PXK: variants seen among roughly 807,000 people sequenced by gnomAD.
The protein encoded by PXK is PX domain containing serine/threonine kinase like, also known as PX domain-containing protein kinase-like protein.
In PXK, 35 loss-of-function variants were observed where a neutral mutation model predicts 84.7. The observed-to-expected ratio is 0.41, with a 90% confidence interval of 0.32 to 0.55. PXK has a LOEUF of 0.55. Ranked by LOEUF, PXK falls within the 20% of genes least tolerant of loss-of-function variation. PXK has a pLI of 0.21. For missense variants in PXK, 634 were observed against 699.7 expected, an observed-to-expected ratio of 0.91 and a Z score of 1.06; for synonymous variants, 253 against 260.8, an observed-to-expected ratio of 0.97 and a Z score of 0.29.
In PXK at chr3:58,390,806, T is replaced by C; in HGVS notation, c.466+147T>C. 1 of 723,878 alleles carries C rather than the reference T, an allele frequency of 1.4e-6. No homozygotes were observed. The allele number at this position is 723,878 out of a possible 1,614,324, so 44.8% of individuals were successfully genotyped here. On this transcript the variant is annotated intron_variant, in intron 5 of 17. Coordinates refer to ENST00000356151, the MANE Select transcript of PXK (RefSeq NM_017771.5). This position sits in a 1 kb window ranked among gnomAD's most constrained non-coding sequence, Gnocchi z 4.2. ...CATATCAACTGCTTGAGGATACAGC[T>C]GGTAACTTTTAATACTTAATGAACC...
At chr3:58,334,032 A>G (rs1195902515) in intron 1 of PXK, among the ~76,000 whole-genome samples, 3 of 152,166 alleles carry the variant, frequency 2.0e-5, no homozygotes, top group Non-Finnish European at 4.4e-5. Flanking sequence ...TTGTCAGTCC[A>G]CCGAATCAGA....
intron 4 of PXK, among the ~76,000 whole-genome samples, chr3:58,386,742 G>A (rs918274753): frequency 1.2e-4 from 19 of 152,104 alleles, no homozygotes; most frequent in African/African-American, 4.6e-4. Flanking sequence ...AAATCAAGAG[G>A]CCTGTATCAT....
chr3:58,424,998 T>C lies in PXK; in HGVS notation c.*38T>C. ...ACACTTGGAGGGAAAAGTTCTTTTT[T>C]ATTCCTACTCACCCCTACCCCCCAA... On this transcript the variant is annotated 3_prime_UTR_variant, in exon 18 of 18. Coordinates refer to ENST00000356151, the MANE Select transcript of PXK (RefSeq NM_017771.5). 1.2e-6 allele frequency: 2 copies of C among 1,609,736 alleles called. No homozygotes were observed. Among genetic ancestry groups the C allele is most frequent in the South Asian group, 1.1e-5 (1 of 90,254 alleles).
rs2098545392 is a variant in PXK, at chr3:58,385,715, T to C, written c.388+3015T>C. 6.6e-6 allele frequency among the ~76,000 whole-genome samples: 1 copy of C among 152,188 alleles called. No individual in the cohort carries two copies. Among genetic ancestry groups the C allele is most frequent in the African/African-American group, 2.4e-5 (1 of 41,440 alleles). ...GGTTTCACTATGTTGACTAGGCTGG[T>C]CTCAAACTCTTGAGCTCAAATGATC... On this transcript the variant is annotated intron_variant, in intron 4 of 17. Coordinates refer to ENST00000356151, the MANE Select transcript of PXK (RefSeq NM_017771.5). This position sits in a 1 kb window ranked among gnomAD's most constrained non-coding sequence, Gnocchi z 5.1.
rs746641390 is a variant in PXK, at chr3:58,385,100, C to G, written c.388+2400C>G. The stretch of plus-strand genomic sequence containing the variant: ...CTTTTTTCTGTACCTGCCCCACATG[C>G]TGTTGTTGTCTTTGATCTCTACTCC... On this transcript the variant is annotated intron_variant, in intron 4 of 17. Coordinates refer to ENST00000356151, the MANE Select transcript of PXK (RefSeq NM_017771.5). The surrounding 1 kb of genome is among the most constrained non-coding windows in gnomAD (Gnocchi z 5.1). Among the ~76,000 whole-genome samples, 10 of 152,150 alleles carry G rather than the reference C, an allele frequency of 6.6e-5. No individual in the cohort carries two copies. Among genetic ancestry groups the G allele is most frequent in the Non-Finnish European group, 1.3e-4 (9 of 68,024 alleles).
At chr3:58,373,220 A>T (rs1043785083) in intron 3 of PXK, among the ~76,000 whole-genome samples, 43 of 151,916 alleles carry the variant, frequency 2.8e-4, no homozygotes, top group African/African-American at 1.0e-3. Context: ...TAAGACTACA[A>T]GGCGCCCGCC....
Position 58,409,378 on chromosome 3 carries a change from G to T in PXK, c.1309-154G>T, listed in dbSNP as rs2059851828. Among the ~76,000 whole-genome samples the T allele has an allele frequency of 6.6e-6, 1 of 152,170 alleles. No homozygotes were observed. The highest frequency in any genetic ancestry group is 2.1e-4 in the South Asian group (1 of 4,834). ...CTTCCTTTGGCATACTCCTCTACCT[G>T]GCATCCAGACCCGAGCCAGGAAGTA... On this transcript the variant is annotated intron_variant, in intron 14 of 17. Coordinates refer to ENST00000356151, the MANE Select transcript of PXK (RefSeq NM_017771.5). This position sits in a 1 kb window ranked among gnomAD's most constrained non-coding sequence, Gnocchi z 4.2.
chr3:58,406,038 C>A (rs772669078), intron 13 of PXK, among the ~76,000 whole-genome samples: 1 of 151,658 alleles, frequency 6.6e-6, no homozygotes, highest in Non-Finnish European at 1.5e-5. Flanking sequence ...GGCATGATCT[C>A]GGCTCACTGC....
At chr3:58,424,127 A>G (rs13063504) in intron 17 of PXK, among the ~76,000 whole-genome samples, 11,071 of 152,252 alleles carry the variant, frequency 0.073, 519 homozygotes, top group South Asian at 0.1. Context: ...TTAGCATTTT[A>G]TATTTCTTTA....
rs111264652 is a variant in PXK at position 58,365,933 on chromosome 3, CTT to C, written c.153+23_153+24del. 4,000 of 1,376,758 alleles carry C rather than the reference CTT, an allele frequency of 2.9e-3. No individual in the cohort carries two copies. Among genetic ancestry groups the C allele is most frequent in the South Asian group, 7.0e-3 (482 of 68,526 alleles). The allele number at this position is 1,376,758 out of a possible 1,614,324, so 85.3% of individuals were successfully genotyped here. On this transcript the variant is annotated intron_variant, in intron 2 of 17. Coordinates refer to ENST00000356151, the MANE Select transcript of PXK (RefSeq NM_017771.5). Reference sequence around the variant, plus strand: ...TGGAAAACAGCTGGCAGGTAAGCATCTTTTTTTTTTTTTTTGTCAATTAGAAA... The same window carrying C: ...TGGAAAACAGCTGGCAGGTAAGCATCTTTTTTTTTTTTTGTCAATTAGAAA...
In PXK at chr3:58,412,892, T is replaced by G; in HGVS notation, c.1466-9T>G. The G allele has an allele frequency of 6.2e-7, 1 of 1,614,148 alleles. No individual in the cohort carries two copies. The highest frequency in any genetic ancestry group is 1.3e-5 in the African/African-American group (1 of 75,050). On this transcript the variant is annotated splice_polypyrimidine_tract_variant and intron_variant, in intron 16 of 17. Transcript: ENST00000356151. The surrounding 1 kb of genome is among the most constrained non-coding windows in gnomAD (Gnocchi z 6.2). Reference sequence around the variant, plus strand: ...GTCCCCATGAGGGTTTCTCTGTGTTTTATCTTAGCAGGATCTGGGGCCAGC... The same window carrying G: ...GTCCCCATGAGGGTTTCTCTGTGTTGTATCTTAGCAGGATCTGGGGCCAGC...
intron 17 of PXK, chr3:58,413,693 T>C (rs541663740): frequency 2.0e-5 from 3 of 152,360 alleles, no homozygotes; most frequent in African/African-American, 7.2e-5. Flanking sequence ...GTATCTCCTT[T>C]TGCTTCTTAA....
At position 58,400,472 on chromosome 3, in the gene PXK, G is replaced by A. The variant is rs2058383865; in HGVS notation, c.1181+1095G>A. Among the ~76,000 whole-genome samples, 1 of 152,204 alleles carries A rather than the reference G, an allele frequency of 6.6e-6. No individual in the cohort carries two copies. Among genetic ancestry groups the A allele is most frequent in the South Asian group, 2.1e-4 (1 of 4,830 alleles). On this transcript the variant is annotated intron_variant, in intron 12 of 17. Transcript: ENST00000356151. The surrounding 1 kb of genome is among the most constrained non-coding windows in gnomAD (Gnocchi z 4.0). ...TTCCTGGTTCTTTCTTTCCACAAGT[G>A]TTTAGAGAGGGCCTTCTGGAGGCCA...
intron 3 of PXK, among the ~76,000 whole-genome samples, chr3:58,380,047 G>A (rs1456724969): frequency 1.3e-5 from 2 of 151,924 alleles, no homozygotes; most frequent in African/African-American, 2.4e-5. Context: ...GTCCAACATT[G>A]AAAAAATAGG....
rs2060666306 is a variant in PXK, at chr3:58,414,424, C to T, written c.1528+1461C>T. 1 of 152,154 alleles carries T rather than the reference C, an allele frequency of 6.6e-6. No homozygotes were observed. Among genetic ancestry groups the T allele is most frequent in the African/African-American group, 2.4e-5 (1 of 41,420 alleles). 9.4% of individuals were successfully genotyped at this position (152,154 alleles called of 1,614,324 possible). A position where few individuals can be genotyped will look rare whatever the true frequency, so the allele number is the denominator to read the frequency against. ...TTTGGGAATTTACAATTTATTTGGACTTTTGGGGGGAATTCTCTAATTTAT... is the reference window on the plus strand; with the variant it reads ...TTTGGGAATTTACAATTTATTTGGATTTTTGGGGGGAATTCTCTAATTTAT... On this transcript the variant is annotated intron_variant, in intron 17 of 17. Coordinates refer to ENST00000356151, the MANE Select transcript of PXK (RefSeq NM_017771.5). This position sits in a 1 kb window ranked among gnomAD's most constrained non-coding sequence, Gnocchi z 4.5.
intron 2 of PXK, among the ~76,000 whole-genome samples, chr3:58,368,269 G>A (rs141099527): frequency 6.6e-6 from 1 of 152,186 alleles, no homozygotes; most frequent in African/African-American, 2.4e-5. Context: ...CTTTGTGAGA[G>A]GTAGAGGGGC....
chr3:58,406,083 C>T (rs2059363720), intron 13 of PXK, among the ~76,000 whole-genome samples: 1 of 152,016 alleles, frequency 6.6e-6, no homozygotes, highest in Non-Finnish European at 1.5e-5. Flanking sequence ...AATTCTGCTT[C>T]AGCCTCCTGA....
At chr3:58,404,106 A>G (rs2059026776) in intron 13 of PXK, among the ~76,000 whole-genome samples, 196 bp downstream of exon 13, 1 of 152,236 alleles carries the variant, frequency 6.6e-6, no homozygotes, top group Admixed American at 6.5e-5. Context: ...TGAAATTGAT[A>G]AAGACATTGT....
Position 58,409,473 on chromosome 3 carries a change from G to C in PXK, c.1309-59G>C. 1 of 1,480,530 alleles carries C rather than the reference G, an allele frequency of 6.8e-7. No homozygotes were observed. Among genetic ancestry groups the C allele is most frequent in the Non-Finnish European group, 9.3e-7 (1 of 1,073,500 alleles). The allele number at this position is 1,480,530 out of a possible 1,614,324, so 91.7% of individuals were successfully genotyped here. ...TGGTTTGCCAAAACATGTTGGAGAA[G>C]ATTTTCATTAGGAAGCTGCCTTATG... On this transcript the variant is annotated intron_variant, in intron 14 of 17. Coordinates refer to ENST00000356151, the MANE Select transcript of PXK (RefSeq NM_017771.5). This position sits in a 1 kb window ranked among gnomAD's most constrained non-coding sequence, Gnocchi z 4.2.
Sources: gnomAD v4.1 joint callset for allele counts (sites outside exome capture counted in the v4.1 genomes callset) on GRCh38, gnomAD v4.1.1 for gene constraint, Gnocchi (gnomAD v3.1) non-coding constraint, MANE v1.5 for transcripts, NCBI Gene and HGNC (gene_info 2026-07-23, HGNC 2026-07-21) for gene names.